LPP: variants seen among roughly 807,000 people sequenced by gnomAD.
LPP encodes the protein LIM domain containing preferred translocation partner in lipoma, also known as lipoma-preferred partner.
A neutral mutation model predicts 60.4 loss-of-function variants in LPP; 38 were observed. That is an observed-to-expected ratio of 0.63 (90% CI 0.49 to 0.83). LPP has a LOEUF of 0.83. Among genes scored for constraint, LPP ranks in the 40% least tolerant of loss-of-function variants. The pLI is 0.00. For missense variants in LPP, 902 were observed against 783.6 expected, an observed-to-expected ratio of 1.15 and a Z score of -1.80; for synonymous variants, 328 against 290.8, an observed-to-expected ratio of 1.13 and a Z score of -1.30.
intron 6 of LPP, among the ~76,000 whole-genome samples, chr3:188,578,539 G>C (rs924012613): frequency 6.6e-6 from 1 of 152,036 alleles, no homozygotes; most frequent in African/African-American, 2.4e-5. Flanking sequence ...CAATGAAGGC[G>C]ACAGGTTTTT....
intron 7 of LPP, among the ~76,000 whole-genome samples, chr3:188,640,025 C>A (rs1177416234): frequency 6.6e-6 from 1 of 151,974 alleles, no homozygotes; most frequent in East Asian, 1.9e-4. Flanking sequence ...TGGGTATATA[C>A]CCAAAGGACT....
chr3:188,343,549 G>A (rs901816596), intron 3 of LPP, among the ~76,000 whole-genome samples: 3 of 152,016 alleles, frequency 2.0e-5, no homozygotes, highest in Non-Finnish European at 2.9e-5. Context: ...CCTTCCCTCC[G>A]ATGCCAATTG....
intron 6 of LPP, among the ~76,000 whole-genome samples, chr3:188,558,992 A>G (rs914971684): frequency 2.6e-5 from 4 of 152,078 alleles, no homozygotes; most frequent in African/African-American, 9.7e-5. Context: ...GGACGGTATT[A>G]TAGAGATTAG....
intron 8 of LPP, among the ~76,000 whole-genome samples, chr3:188,726,885 A>T (rs1718609875): frequency 6.6e-6 from 1 of 151,976 alleles, no homozygotes; most frequent in African/African-American, 2.4e-5. Flanking sequence ...GTAAATATCA[A>T]AAAAGGGAGC....
intron 9 of LPP, among the ~76,000 whole-genome samples, chr3:188,816,188 G>A (rs934691809): frequency 1.4e-5 from 2 of 147,588 alleles, no homozygotes; most frequent in Non-Finnish European, 1.5e-5. Context: ...GAATTGTAAG[G>A]CTTCCTTCTC....
At chr3:188,513,344 AATTGCTTCAGGAAAT>A (rs1389058173) in intron 5 of LPP, among the ~76,000 whole-genome samples, 1 of 152,144 alleles carries the variant, frequency 6.6e-6, no homozygotes, top group Admixed American at 6.5e-5. Context: ...AATTTCTTAG[AATTGCTTCAGGAAAT>A]ATTACTAAAG....
At chr3:188,623,326 C>T (rs1846178770) in intron 7 of LPP, among the ~76,000 whole-genome samples, 2 of 149,756 alleles carry the variant, frequency 1.3e-5, no homozygotes, top group Non-Finnish European at 3.0e-5. Context: ...GGCACAATCT[C>T]AGCTCACTTC....
chr3:188,192,326 C>T (rs1305186995), intron 1 of LPP, among the ~76,000 whole-genome samples: 1 of 152,132 alleles, frequency 6.6e-6, no homozygotes, highest in Non-Finnish European at 1.5e-5. Context: ...CAGCACAGGA[C>T]TTGACTGGAC....
At chr3:188,640,513 TATAATA>T (rs147449468) in intron 7 of LPP, among the ~76,000 whole-genome samples, 23 of 141,914 alleles carry the variant, frequency 1.6e-4, no homozygotes, top group Admixed American at 1.2e-3. Flanking sequence ...AAACTTAAAG[TATAATA>T]ATAATAATAA....
chr3:188,563,923 T>G (rs1329730747), intron 6 of LPP, among the ~76,000 whole-genome samples: 1 of 151,824 alleles, frequency 6.6e-6, no homozygotes, highest in Non-Finnish European at 1.5e-5. Context: ...GAAGTTATTT[T>G]CCATGGCACT....
chr3:188,601,595 A>G (rs1157061338), intron 6 of LPP, among the ~76,000 whole-genome samples: 1 of 152,152 alleles, frequency 6.6e-6, no homozygotes, highest in Non-Finnish European at 1.5e-5. Flanking sequence ...CAGTATCTAA[A>G]AGTAGTTTTG....
At chr3:188,679,562 T>C (rs9816208) in intron 7 of LPP, among the ~76,000 whole-genome samples, 52,309 of 123,342 alleles carry the variant, frequency 0.42, 10,065 homozygotes, top group East Asian at 0.56. Context: ...TGTGTGTGTG[T>C]GCGCGCGCGC....
chr3:188,859,443 CAAT>C (rs1425098025), intron 9 of LPP, among the ~76,000 whole-genome samples: 1 of 152,154 alleles, frequency 6.6e-6, no homozygotes, highest in Non-Finnish European at 1.5e-5. Context: ...ACTCGTGCCT[CAAT>C]GATAGCAATT....
intron 5 of LPP, among the ~76,000 whole-genome samples, chr3:188,491,696 A>G (rs920044450): frequency 6.6e-6 from 1 of 152,198 alleles, no homozygotes; most frequent in African/African-American, 2.4e-5. Flanking sequence ...GGCTCTGGTC[A>G]TTGTGACTTT....
intron 4 of LPP, among the ~76,000 whole-genome samples, chr3:188,445,786 A>G (rs1795093456): frequency 6.6e-6 from 1 of 152,206 alleles, no homozygotes; most frequent in Admixed American, 6.5e-5. Context: ...AAACAAATAA[A>G]TATATAATAG....
At chr3:188,365,117 CTT>C (rs57752120) in intron 3 of LPP, among the ~76,000 whole-genome samples, 82 of 142,796 alleles carry the variant, frequency 5.7e-4, no homozygotes, top group East Asian at 1.8e-3. Context: ...AATAGAAGCG[CTT>C]TTTTTTTTTT....
intron 9 of LPP, among the ~76,000 whole-genome samples, chr3:188,787,004 G>T (rs181215279): frequency 1.5e-3 from 224 of 152,318 alleles, no homozygotes; most frequent in Non-Finnish European, 2.5e-3. Context: ...GATCATTGTG[G>T]TGATGGAACT....
intron 4 of LPP, among the ~76,000 whole-genome samples, chr3:188,407,768 GTTTTTTTTTTTGTTTGTTTGTTTTTT>G (rs1403047331): frequency 1.6e-5 from 1 of 61,282 alleles, no homozygotes; most frequent in Non-Finnish European, 3.4e-5. Context: ...CTCATTTATG[GTTTTTTTTTTTGTTTGTTTGTTTTTT>G]TTTTTTTTTT....
chr3:188,771,549 C>CAAAAAAAAAAAAAAAAA (rs66712771), intron 9 of LPP, among the ~76,000 whole-genome samples: 4 of 108,948 alleles, frequency 3.7e-5, no homozygotes, highest in Non-Finnish European at 6.9e-5. Flanking sequence ...GACTCCATCT[C>CAAAAAAAAAAAAAAAAA]AAAAAAAAAA....
Sources: allele counts gnomAD v4.1 joint callset (sites outside exome capture counted in the v4.1 genomes callset), GRCh38; gene constraint gnomAD v4.1.1; transcripts MANE v1.5; gene names NCBI Gene and HGNC (gene_info 2026-07-23, HGNC 2026-07-21).